Variants in GRM7 observed in about 807,000 individuals in gnomAD.
The protein encoded by GRM7 is glutamate metabotropic receptor 7.
In GRM7, 35 loss-of-function variants were observed where a neutral mutation model predicts 84.5. The ratio of observed to expected loss-of-function variants is 0.41; its 90% CI spans 0.32 to 0.55. GRM7 has a LOEUF of 0.55. GRM7 is among the 20% of genes least tolerant of loss of function. The pLI is 0.19. For synonymous variants in GRM7, 487 were observed against 455.1 expected (o/e 1.07, Z -0.89); for missense variants, 1,003 against 1,194.6 (o/e 0.84, Z 2.36).
intron 2 of GRM7, among the ~76,000 whole-genome samples, chr3:7,297,121 T>C (rs1343308111): frequency 1.3e-5 from 2 of 151,662 alleles, no homozygotes; most frequent in Non-Finnish European, 2.9e-5. Flanking sequence ...TCTTTTTGAA[T>C]ATAAACATAT....
At chr3:7,369,146 C>T (rs1694032233) in intron 4 of GRM7, among the ~76,000 whole-genome samples, 1 of 152,084 alleles carries the variant, frequency 6.6e-6, no homozygotes, top group African/African-American at 2.4e-5. Context: ...CTTTGAACTC[C>T]TGGGCTCAAG....
chr3:7,013,983 A>T (rs1304689776), intron 1 of GRM7, among the ~76,000 whole-genome samples: 2 of 151,930 alleles, frequency 1.3e-5, no homozygotes, highest in African/African-American at 2.4e-5. Flanking sequence ...CCTTCCCTTG[A>T]TTTGCAGTAT....
At chr3:7,264,325 C>A (rs928670248) in intron 2 of GRM7, among the ~76,000 whole-genome samples, 20 of 152,016 alleles carry the variant, frequency 1.3e-4, no homozygotes, top group African/African-American at 4.8e-4. Flanking sequence ...ACAGACACTC[C>A]TGCGCCAAAT....
At chr3:7,209,209 C>G (rs1696340598) in intron 2 of GRM7, among the ~76,000 whole-genome samples, 1 of 152,162 alleles carries the variant, frequency 6.6e-6, no homozygotes, top group Non-Finnish European at 1.5e-5. Flanking sequence ...TAGGGTGACT[C>G]AAACTATAGT....
At chr3:7,604,911 C>A (rs73021810) in intron 8 of GRM7, among the ~76,000 whole-genome samples, 24,566 of 152,058 alleles carry the variant, frequency 0.16, 2,360 homozygotes, top group Middle Eastern at 0.27. Context: ...TTATCAAAAG[C>A]TTAAGAAAAT....
chr3:7,719,573 G>A (rs1701871370), intron 9 of GRM7, among the ~76,000 whole-genome samples: 1 of 152,088 alleles, frequency 6.6e-6, no homozygotes, highest in Non-Finnish European at 1.5e-5. Flanking sequence ...AGCACTTTGG[G>A]AGGCCGAGGC....
At chr3:7,456,204 G>C (rs1345697940) in intron 6 of GRM7, among the ~76,000 whole-genome samples, 4 of 151,722 alleles carry the variant, frequency 2.6e-5, no homozygotes, top group African/African-American at 4.8e-5. Flanking sequence ...TCTTACACTA[G>C]CGACAAAAAT....
intron 4 of GRM7, among the ~76,000 whole-genome samples, chr3:7,391,402 C>A (rs1694988750): frequency 6.6e-6 from 1 of 152,112 alleles, no homozygotes; most frequent in Non-Finnish European, 1.5e-5. Flanking sequence ...AGTTCATGTA[C>A]TTTGTAGGGA....
chr3:6,897,170 C>T (rs533049504), intron 1 of GRM7, among the ~76,000 whole-genome samples: 4 of 152,124 alleles, frequency 2.6e-5, no homozygotes, highest in African/African-American at 9.7e-5. Flanking sequence ...TGGAAATGAA[C>T]CCTAAAAGTT....
intron 8 of GRM7, among the ~76,000 whole-genome samples, chr3:7,663,837 C>A (rs78185133): frequency 6.6e-6 from 1 of 152,090 alleles, no homozygotes; most frequent in African/African-American, 2.4e-5. Flanking sequence ...TATACGAATT[C>A]CCACAAATAT....
chr3:7,222,158 A>G (rs756920970), intron 2 of GRM7, among the ~76,000 whole-genome samples: 1 of 152,142 alleles, frequency 6.6e-6, no homozygotes, highest in Middle Eastern at 3.2e-3. Context: ...CCTTGAAAGT[A>G]TATTTGTGAA....
intron 7 of GRM7, among the ~76,000 whole-genome samples, chr3:7,553,782 G>C (rs115064849): frequency 6.6e-6 from 1 of 152,180 alleles, no homozygotes; most frequent in Non-Finnish European, 1.5e-5. Flanking sequence ...CCCTTGACAC[G>C]TGAGGATTAT....
chr3:7,033,431 G>A (rs977287144), intron 1 of GRM7, among the ~76,000 whole-genome samples: 29 of 152,132 alleles, frequency 1.9e-4, no homozygotes, highest in African/African-American at 6.7e-4. Flanking sequence ...TCTCTGTTTT[G>A]TGTTGCTATT....
intron 1 of GRM7, among the ~76,000 whole-genome samples, chr3:6,921,246 C>T (rs750633720): frequency 5.3e-5 from 8 of 152,084 alleles, no homozygotes; most frequent in Non-Finnish European, 1.0e-4. Flanking sequence ...AGGCAGAATC[C>T]GAAAGAGCAG....
intron 8 of GRM7, among the ~76,000 whole-genome samples, chr3:7,642,889 G>T (rs542011584): frequency 3.9e-5 from 6 of 152,130 alleles, no homozygotes; most frequent in African/African-American, 1.4e-4. Flanking sequence ...GATCATGAAT[G>T]GATCTATGGT....
intron 5 of GRM7, among the ~76,000 whole-genome samples, chr3:7,420,751 A>G (rs1346529030): frequency 6.6e-6 from 1 of 152,186 alleles, no homozygotes; most frequent in African/African-American, 2.4e-5. Context: ...TGGTTAATTA[A>G]TTCATTTATT....
chr3:6,944,259 T>A (rs767289698), intron 1 of GRM7, among the ~76,000 whole-genome samples: 11 of 152,142 alleles, frequency 7.2e-5, no homozygotes, highest in Non-Finnish European at 7.4e-5. Context: ...GTTCCTCATC[T>A]TAGAGAAAAG....
chr3:7,166,757 C>G (rs1189520408), intron 2 of GRM7, among the ~76,000 whole-genome samples: 1 of 152,154 alleles, frequency 6.6e-6, no homozygotes, highest in Non-Finnish European at 1.5e-5. Context: ...AATGATTCTG[C>G]TTGAATCAGT....
rs535077195 is a variant in GRM7 at position 7,202,032 on chromosome 3, C to T, written c.736+55364C>T. ...TTTCAACCTTACAGGAACTTTAATGCATCATTTTTATCCTTCTATTAGGAT... is the reference window on the plus strand; with the variant it reads ...TTTCAACCTTACAGGAACTTTAATGTATCATTTTTATCCTTCTATTAGGAT... On this transcript the variant is annotated intron_variant, in intron 2 of 9. Transcript: ENST00000357716. Among the ~76,000 whole-genome samples the T allele has an allele frequency of 3.9e-5, 6 of 151,976 alleles. No homozygotes were observed. The East Asian group carries it at 1.2e-3, about 30-fold the overall frequency.
Sources: allele counts gnomAD v4.1 joint callset (sites outside exome capture counted in the v4.1 genomes callset), GRCh38; gene constraint gnomAD v4.1.1; transcripts MANE v1.5; gene names NCBI Gene and HGNC (gene_info 2026-07-23, HGNC 2026-07-21).